CSTF3: variants seen among roughly 807,000 people sequenced by gnomAD.
The protein encoded by CSTF3 is CF-1 77 kDa subunit.
A neutral mutation model predicts 105.8 loss-of-function variants in CSTF3; 29 were observed. That is an observed-to-expected ratio of 0.27 (90% CI 0.20 to 0.37). The LOEUF (loss-of-function observed/expected upper bound fraction) is 0.37, where lower values mean the gene tolerates loss of function less well. Among genes scored for constraint, CSTF3 ranks in the 10% least tolerant of loss-of-function variants. The pLI is 1.00. For synonymous variants in CSTF3, 252 were observed against 281.9 expected, an observed-to-expected ratio of 0.89 and a Z score of 1.06; for missense variants, 357 against 879.3, an observed-to-expected ratio of 0.41 and a Z score of 7.51.
At chr11:33,106,920 A>C (rs1210476456) in intron 5 of CSTF3, among the ~76,000 whole-genome samples, 2 of 152,192 alleles carry the variant, frequency 1.3e-5, no homozygotes, top group African/African-American at 4.8e-5. Flanking sequence ...ATTAAAATGC[A>C]ACTTATGTTA....
chr11:33,154,788 G>A (rs541299667), intron 1 of CSTF3, among the ~76,000 whole-genome samples: 1 of 152,016 alleles, frequency 6.6e-6, no homozygotes, highest in East Asian at 1.9e-4. Flanking sequence ...CGTGAGCCAC[G>A]GTGCCGTGCT....
At chr11:33,143,171 T>G (rs1356747310) in intron 1 of CSTF3, among the ~76,000 whole-genome samples, 2 of 152,178 alleles carry the variant, frequency 1.3e-5, no homozygotes, top group African/African-American at 4.8e-5. Context: ...AAAAGAAATC[T>G]GCAATTAAAG....
chr11:33,145,288 T>C (rs1855767316), intron 1 of CSTF3, among the ~76,000 whole-genome samples: 2 of 151,532 alleles, frequency 1.3e-5, no homozygotes, highest in South Asian at 4.2e-4. Context: ...ATACAAAGAA[T>C]TAGTGGGGCA....
intron 1 of CSTF3, among the ~76,000 whole-genome samples, chr11:33,155,847 T>C (rs1849858561): frequency 6.7e-6 from 1 of 149,956 alleles, no homozygotes; most frequent in Admixed American, 6.6e-5. Context: ...AAAATCACCG[T>C]CACCAAATCG....
intron 8 of CSTF3, among the ~76,000 whole-genome samples, chr11:33,104,000 T>A (rs530017508): frequency 1.3e-5 from 2 of 152,002 alleles, no homozygotes; most frequent in African/African-American, 2.4e-5. Flanking sequence ...ATTAAAAAAA[T>A]TTTTTTTGTT....
chr11:33,141,006 A>G (rs900409003), intron 3 of CSTF3: 1 of 151,996 alleles, frequency 6.6e-6, no homozygotes. Flanking sequence ...TGGGGTCCTT[A>G]CTCTTTAAAA....
At chr11:33,159,410 A>T (rs189779979) in intron 1 of CSTF3, among the ~76,000 whole-genome samples, 70 of 152,164 alleles carry the variant, frequency 4.6e-4, no homozygotes, top group Middle Eastern at 3.4e-3. Context: ...AGCCTGGGCA[A>T]CGTGGCAAAA....
intron 3 of CSTF3, among the ~76,000 whole-genome samples, chr11:33,138,276 C>G (rs538913495): frequency 6.6e-6 from 1 of 151,830 alleles, no homozygotes; most frequent in African/African-American, 2.4e-5. Context: ...CGATTCAAAA[C>G]AAATTACTTC....
intron 1 of CSTF3, among the ~76,000 whole-genome samples, chr11:33,144,367 T>C (rs1420618725): frequency 6.6e-6 from 1 of 152,234 alleles, no homozygotes; most frequent in East Asian, 1.9e-4. Flanking sequence ...ATAAGAACTT[T>C]ATGAATAGCT....
intron 1 of CSTF3, chr11:33,156,773 C>T (rs756943633): frequency 2.2e-6 from 1 of 451,166 alleles, no homozygotes; most frequent in South Asian, 1.6e-5. Context: ...TCAAGACCAG[C>T]CTGGGAAACA....
At chr11:33,150,855 CAA>C (rs571410801) in intron 1 of CSTF3, among the ~76,000 whole-genome samples, 16 of 106,426 alleles carry the variant, frequency 1.5e-4, no homozygotes, top group Non-Finnish European at 1.4e-4. Flanking sequence ...GACCCTGTCT[CAA>C]AAAAAAAAAA....
rs769736669 is a variant in CSTF3, at chr11:33,141,650, T to A, written c.225+17A>T. 22 of 1,601,930 alleles carry A rather than the reference T, an allele frequency of 1.4e-5. No individual in the cohort carries two copies. In the Admixed American group the frequency reaches 3.6e-4, roughly 26 times the overall value. On this transcript the variant is annotated intron_variant, in intron 3 of 20. Transcript: ENST00000323959. ...GCTGCAATACTGATATAAGAAAAAA[T>A]AAAATAAAATAGTAACCTCTGCTTC...
Position 33,108,420 on chromosome 11 carries a change from T to C in CSTF3, c.226-2A>G. 6.8e-7 allele frequency: 1 copy of C among 1,476,224 alleles called. No homozygotes were observed. The highest frequency in any genetic ancestry group is 9.1e-7 in the Non-Finnish European group (1 of 1,101,590). 91.4% of individuals were successfully genotyped at this position (1,476,224 alleles called of 1,614,324 possible). On this transcript the variant is annotated splice_acceptor_variant, in intron 3 of 20. Coordinates refer to ENST00000323959, the MANE Select transcript of CSTF3 (RefSeq NM_001326.3). LOFTEE classifies it high-confidence loss of function. ...CTTGTCATAATTTTTAGCTTTAATC[T>C]GAAGAGAAACAGAAAAATATAGAAT... is the stretch of plus-strand genomic sequence containing the variant.
chr11:33,160,915 A>G (rs1849932193), intron 1 of CSTF3, among the ~76,000 whole-genome samples: 1 of 152,192 alleles, frequency 6.6e-6, no homozygotes, highest in Non-Finnish European at 1.5e-5. Flanking sequence ...TGGGTACAGT[A>G]TATTTGGCGG....
chr11:33,136,527 CG>C (rs1855654967), intron 3 of CSTF3, among the ~76,000 whole-genome samples: 1 of 151,822 alleles, frequency 6.6e-6, no homozygotes, highest in Non-Finnish European at 1.5e-5. Flanking sequence ...AAAGCTGATG[CG>C]TTAAAGAAAA....
intron 8 of CSTF3, among the ~76,000 whole-genome samples, chr11:33,105,010 A>G (rs1239956431): frequency 6.6e-6 from 1 of 152,200 alleles, no homozygotes; most frequent in Non-Finnish European, 1.5e-5. Flanking sequence ...CGGCCTCCCA[A>G]AGTGCTGGGA....
intron 3 of CSTF3, among the ~76,000 whole-genome samples, chr11:33,117,327 G>A (rs1320874171): frequency 1.3e-5 from 2 of 151,816 alleles, no homozygotes; most frequent in East Asian, 3.9e-4. Flanking sequence ...GGGATCTGGT[G>A]GAATATGCCA....
intron 3 of CSTF3, among the ~76,000 whole-genome samples, chr11:33,121,558 A>T (rs1855490200): frequency 6.6e-6 from 1 of 152,168 alleles, no homozygotes; most frequent in Admixed American, 6.5e-5. Context: ...ATGCCACCAA[A>T]GGTAAAGAAT....
At chr11:33,148,865 T>G (rs1370694939) in intron 1 of CSTF3, among the ~76,000 whole-genome samples, 7 of 150,856 alleles carry the variant, frequency 4.6e-5, no homozygotes, top group Non-Finnish European at 1.0e-4. Context: ...GCTGTGTTTT[T>G]TTTTTTTTTT....
Sources: gnomAD v4.1 joint callset for allele counts (sites outside exome capture counted in the v4.1 genomes callset) on GRCh38, gnomAD v4.1.1 for gene constraint, MANE v1.5 for transcripts, NCBI Gene and HGNC (gene_info 2026-07-23, HGNC 2026-07-21) for gene names.